Variants in GABBR2 observed in about 807,000 individuals in gnomAD.
The protein encoded by GABBR2 is G-protein coupled receptor 51.
In GABBR2, 23 loss-of-function variants were observed where a neutral mutation model predicts 105.6. The ratio of observed to expected loss-of-function variants is 0.22; its 90% CI spans 0.16 to 0.31. The LOEUF (loss-of-function observed/expected upper bound fraction) is 0.31, where lower values mean the gene tolerates loss of function less well. Among genes scored for constraint, GABBR2 ranks in the 10% least tolerant of loss-of-function variants. GABBR2 has a pLI of 1.00. For missense variants in GABBR2, 734 were observed against 1,245.5 expected (o/e 0.59, Z 6.18); for synonymous variants, 478 against 499.7 (o/e 0.96, Z 0.58).
At chr9:98,600,009 C>T (rs146195152) in intron 1 of GABBR2, among the ~76,000 whole-genome samples, 2 of 152,256 alleles carry the variant, frequency 1.3e-5, no homozygotes, top group African/African-American at 2.4e-5. Flanking sequence ...GGGGCAGGCA[C>T]GCGCTGGCTA....
rs61216428 is a variant in GABBR2 at position 98,390,375 on chromosome 9, C to CAAAAAAAAAAA, written c.1379-1382_1379-1372dup. Reference sequence around the variant, plus strand: ...GGTGACAGAGCAAGACTCCATCTCACAAAAAAAAAAAAAAAAAAAAAAAAA... The same window carrying CAAAAAAAAAAA: ...GGTGACAGAGCAAGACTCCATCTCACAAAAAAAAAAAAAAAAAAAAAAAAAAAAAAAAAAAA... On this transcript the variant is annotated intron_variant, in intron 9 of 18. Transcript: ENST00000259455. Among the ~76,000 whole-genome samples the CAAAAAAAAAAA allele has an allele frequency of 5.9e-3, 190 of 32,426 alleles. 37 individuals are homozygous for CAAAAAAAAAAA. Among genetic ancestry groups the CAAAAAAAAAAA allele is most frequent in the African/African-American group, 0.018 (183 of 9,936 alleles). The allele number at this position is 32,426 out of a possible 152,430, so 21.3% of individuals were successfully genotyped here. A position where few individuals can be genotyped will look rare whatever the true frequency, so the allele number is the denominator to read the frequency against.
At chr9:98,347,884 T>C (rs1179478236) in intron 13 of GABBR2, among the ~76,000 whole-genome samples, 2 of 152,202 alleles carry the variant, frequency 1.3e-5, no homozygotes, top group East Asian at 1.9e-4. Flanking sequence ...ATTTCCCCCA[T>C]ACTATTCTTG....
chr9:98,367,447 G>A (rs74443608), intron 12 of GABBR2, among the ~76,000 whole-genome samples: 3,023 of 152,164 alleles, frequency 0.02, 43 homozygotes, highest in African/African-American at 0.03. Flanking sequence ...AAGGAGAATC[G>A]TGGTGGGCAT....
chr9:98,702,186 G>A (rs1830837622), intron 1 of GABBR2, among the ~76,000 whole-genome samples: 1 of 152,034 alleles, frequency 6.6e-6, no homozygotes, highest in Non-Finnish European at 1.5e-5. Flanking sequence ...GGACAGGTGT[G>A]AGGTGAGCAC....
intron 4 of GABBR2, among the ~76,000 whole-genome samples, chr9:98,487,059 G>GA (rs796641087): frequency 1.7e-4 from 26 of 152,340 alleles, no homozygotes; most frequent in African/African-American, 5.8e-4. Flanking sequence ...CAGCCCAGTG[G>GA]AAAGCATGGC....
chr9:98,571,919 AGCCATGCAATGCTGGAG>A, intron 2 of GABBR2, among the ~76,000 whole-genome samples: 1 of 152,194 alleles, frequency 6.6e-6, no homozygotes, highest in East Asian at 1.9e-4. Flanking sequence ...TATCAAAGAC[AGCCATGCAATGCTGGAG>A]GCCTGGACTC....
chr9:98,300,382 C>G (rs763064948), intron 16 of GABBR2, among the ~76,000 whole-genome samples: 1 of 152,040 alleles, frequency 6.6e-6, no homozygotes, highest in African/African-American at 2.4e-5. Context: ...TGGGCTCGAG[C>G]GATCCTCCCA....
intron 1 of GABBR2, among the ~76,000 whole-genome samples, chr9:98,645,243 G>C (rs1830015585): frequency 1.3e-5 from 2 of 152,224 alleles, no homozygotes; most frequent in Admixed American, 6.5e-5. Flanking sequence ...ATGGGCTGCA[G>C]TGGTAACCAG....
chr9:98,587,244 T>C (rs1429624932), intron 1 of GABBR2, among the ~76,000 whole-genome samples: 1 of 152,200 alleles, frequency 6.6e-6, no homozygotes, highest in Non-Finnish European at 1.5e-5. Flanking sequence ...CTTTTCCTTA[T>C]TGATTTGTTC....
At chr9:98,395,796 C>T (rs765798282) in intron 8 of GABBR2, among the ~76,000 whole-genome samples, 6 of 151,480 alleles carry the variant, frequency 4.0e-5, no homozygotes, top group Non-Finnish European at 8.8e-5. Context: ...AAGGATGGAG[C>T]AAGGGGCAGT....
chr9:98,622,841 A>G (rs1016150645), intron 1 of GABBR2, among the ~76,000 whole-genome samples: 1 of 152,218 alleles, frequency 6.6e-6, no homozygotes, highest in East Asian at 1.9e-4. Flanking sequence ...ACAGAGACAA[A>G]CACAGAAGAG....
At chr9:98,561,838 C>T (rs940021974) in intron 2 of GABBR2, among the ~76,000 whole-genome samples, 22 of 152,108 alleles carry the variant, frequency 1.4e-4, no homozygotes, top group Middle Eastern at 3.2e-3. Flanking sequence ...GAGCTATGAT[C>T]GTGCCACTGC....
chr9:98,401,002 G>A (rs911900373), intron 8 of GABBR2, among the ~76,000 whole-genome samples: 24 of 152,060 alleles, frequency 1.6e-4, no homozygotes, highest in African/African-American at 4.8e-4. Context: ...CTAAAGAAGC[G>A]CGACTGCACT....
intron 2 of GABBR2, among the ~76,000 whole-genome samples, chr9:98,551,222 G>A (rs1452806865): frequency 1.3e-5 from 2 of 152,144 alleles, no homozygotes; most frequent in African/African-American, 4.8e-5. Flanking sequence ...GGCCGACATG[G>A]TGAAACCCTG....
rs117731685 is a variant in GABBR2, at chr9:98,639,697, C to T, written c.322-61625G>A. ...TTTAGAAAGCACCTCCTACTATCCC[C>T]TTCCCTGACCCAGAAGCCTGTTCCC... On this transcript the variant is annotated intron_variant, in intron 1 of 18. Transcript: ENST00000259455. Among the ~76,000 whole-genome samples the T allele has an allele frequency of 3.5e-3, 532 of 152,284 alleles. 15 individuals are homozygous for T. The East Asian group carries it at 0.083, about 24-fold the overall frequency.
intron 11 of GABBR2, among the ~76,000 whole-genome samples, chr9:98,384,104 C>A (rs1832028995): frequency 6.6e-6 from 1 of 152,216 alleles, no homozygotes; most frequent in Non-Finnish European, 1.5e-5. Context: ...CAGCACCGAT[C>A]TTTTGACCAT....
At chr9:98,678,852 G>A (rs935384012) in intron 1 of GABBR2, among the ~76,000 whole-genome samples, 1 of 152,154 alleles carries the variant, frequency 6.6e-6, no homozygotes, top group Non-Finnish European at 1.5e-5. Context: ...CTATACAGTT[G>A]GGAATGAATG....
chr9:98,443,852 GCT>G (rs930018849), intron 7 of GABBR2, among the ~76,000 whole-genome samples: 1 of 152,166 alleles, frequency 6.6e-6, no homozygotes, highest in Non-Finnish European at 1.5e-5. Context: ...GGTAGTACCT[GCT>G]CTCTCTCTGA....
intron 1 of GABBR2, among the ~76,000 whole-genome samples, chr9:98,613,447 G>GAAA (rs5899347): frequency 6.9e-6 from 1 of 144,166 alleles, no homozygotes; most frequent in Admixed American, 6.9e-5. Context: ...CTCAGGGGAA[G>GAAA]AAAAAAAAAA....
Sources: allele counts gnomAD v4.1 joint callset (sites outside exome capture counted in the v4.1 genomes callset), GRCh38; gene constraint gnomAD v4.1.1; transcripts MANE v1.5; gene names NCBI Gene and HGNC (gene_info 2026-07-23, HGNC 2026-07-21).